VPS37A: variants seen among roughly 807,000 people sequenced by gnomAD.
The protein encoded by VPS37A is vacuolar protein sorting-associated protein 37A.
Under a neutral mutation model 49.8 loss-of-function variants are expected in VPS37A, and 30 were observed. The observed-to-expected ratio is 0.60, with a 90% confidence interval of 0.45 to 0.82. VPS37A has a LOEUF of 0.82. Among genes scored for constraint, VPS37A ranks in the 40% least tolerant of loss-of-function variants. VPS37A has a pLI of 0.00. For synonymous variants in VPS37A, 195 were observed against 160.6 expected (o/e 1.21, Z -1.62); for missense variants, 593 against 464.4 (o/e 1.28, Z -2.55).
At chr8:17,289,013 C>T (rs144520774) in intron 11 of VPS37A, among the ~76,000 whole-genome samples, 1 of 152,212 alleles carries the variant, frequency 6.6e-6, no homozygotes, top group Non-Finnish European at 1.5e-5. Context: ...GCATAAATGT[C>T]TTCTTATGAA....
chr8:17,316,122 A>G, the VPS37A span, among the ~76,000 whole-genome samples: 1 of 152,178 alleles, frequency 6.6e-6, no homozygotes, highest in Non-Finnish European at 1.5e-5. Context: ...CACTACTTAC[A>G]TACTAGCTAT....
intron 10 of VPS37A, 58 bp from the exon 11 acceptor site, chr8:17,286,289 A>C (rs1815577911): frequency 2.9e-6 from 4 of 1,385,056 alleles, no homozygotes; most frequent in East Asian, 4.8e-5. Flanking sequence ...TGTTGGAAGT[A>C]AAGTAGTAGG....
intron 9 of VPS37A, among the ~76,000 whole-genome samples, chr8:17,281,348 G>C (rs4922277): frequency 0.54 from 81,262 of 151,744 alleles, 24,784 homozygotes; most frequent in African/African-American, 0.82. Flanking sequence ...AGTTAGGAGT[G>C]TAACCTAAGC....
At chr8:17,287,276 C>G (rs1430342681) in intron 11 of VPS37A, among the ~76,000 whole-genome samples, 1 of 152,146 alleles carries the variant, frequency 6.6e-6, no homozygotes, top group East Asian at 1.9e-4. Context: ...AGTACAGTCA[C>G]CTGAGACTGA....
chr8:17,302,337 T>G (rs1440026903), downstream of VPS37A: 6 of 1,555,442 alleles, frequency 3.9e-6, no homozygotes, highest in African/African-American at 1.4e-5. Flanking sequence ...AAAATTCACA[T>G]CCTCAAGTCT....
the VPS37A span, among the ~76,000 whole-genome samples, chr8:17,329,951 A>G: frequency 6.6e-6 from 1 of 152,204 alleles, no homozygotes; most frequent in East Asian, 1.9e-4. Flanking sequence ...AGATGTAGGA[A>G]GGGATTTCTG....
chr8:17,249,991 G>A (rs1585904801), intron 1 of VPS37A, among the ~76,000 whole-genome samples: 1 of 152,186 alleles, frequency 6.6e-6, no homozygotes, highest in South Asian at 2.1e-4. Flanking sequence ...TGTTTGTTCA[G>A]ATTTTTCTTG....
the VPS37A span, chr8:17,313,446 T>G: frequency 8.2e-7 from 1 of 1,214,358 alleles, no homozygotes; most frequent in Non-Finnish European, 1.2e-6. Context: ...AGGTACTCTC[T>G]CATTTTACAT....
the VPS37A span, chr8:17,311,824 G>GCTTT: frequency 7.5e-6 from 6 of 803,976 alleles, no homozygotes; most frequent in Non-Finnish European, 1.2e-5. Flanking sequence ...GGCAGCTAAA[G>GCTTT]CTTTCCCTTC....
chr8:17,278,907 A>C (rs1230983326), intron 6 of VPS37A, among the ~76,000 whole-genome samples: 1 of 152,000 alleles, frequency 6.6e-6, no homozygotes, highest in Non-Finnish European at 1.5e-5. Context: ...ACGTTTTTAT[A>C]TGGCTCCATA....
At chr8:17,311,863 T>G in the VPS37A span, 1 of 583,934 alleles carries the variant, frequency 1.7e-6, no homozygotes, top group East Asian at 3.0e-5. Context: ...ACCACTCAAG[T>G]CACCTCCAAT....
In VPS37A at chr8:17,247,058, C is replaced by T; in HGVS notation, c.-187C>T. 1 of 727,264 alleles carries T rather than the reference C, an allele frequency of 1.4e-6. No homozygotes were observed. The highest frequency in any genetic ancestry group is 2.2e-6 in the Non-Finnish European group (1 of 453,440). The allele number at this position is 727,264 out of a possible 1,614,324, so 45.1% of individuals were successfully genotyped here. ...CAAGTTTCCCTCTCCAGCCGCCCGC[C>T]GTTCGTAGCATGTCCCCCAGAACTC... On this transcript the variant is annotated 5_prime_UTR_variant, in exon 1 of 12. Transcript: ENST00000324849.
chr8:17,269,077 A>C, intron 4 of VPS37A, 121 bp downstream of exon 4: 1 of 659,684 alleles, frequency 1.5e-6, no homozygotes, highest in Non-Finnish European at 2.5e-6. Flanking sequence ...CCCCACAAAT[A>C]CATCCATACT....
In VPS37A at chr8:17,284,470, C is replaced by G; in HGVS notation, c.970-3C>G. The G allele has an allele frequency of 6.4e-7, 1 of 1,554,906 alleles. No individual in the cohort carries two copies. The highest frequency in any genetic ancestry group is 8.6e-7 in the Non-Finnish European group (1 of 1,161,088). On this transcript the variant is annotated splice_polypyrimidine_tract_variant and splice_region_variant and intron_variant, in intron 9 of 11. Coordinates refer to ENST00000324849, the MANE Select transcript of VPS37A (RefSeq NM_152415.3). ...TAAAGTAGTGCCTGATTTTCTTTTT[C>G]AGAGCTGTAGTGCAAGTGCCCTTCA...
chr8:17,249,462 T>G (rs1811769667), intron 1 of VPS37A, among the ~76,000 whole-genome samples: 1 of 152,228 alleles, frequency 6.6e-6, no homozygotes, highest in African/African-American at 2.4e-5. Context: ...AGTATTTTAT[T>G]GTTTTAAGTT....
At chr8:17,250,115 G>C (rs558965575) in intron 1 of VPS37A, among the ~76,000 whole-genome samples, 1 of 152,164 alleles carries the variant, frequency 6.6e-6, no homozygotes, top group Non-Finnish European at 1.5e-5. Context: ...AGGGAAGAAG[G>C]GTTGTAGTTT....
At chr8:17,326,213 G>A in the VPS37A span, 1 of 152,126 alleles carries the variant, frequency 6.6e-6, no homozygotes, top group Admixed American at 6.6e-5. Flanking sequence ...CAGTAAGTAG[G>A]TAAAAATGGT....
intron 1 of VPS37A, among the ~76,000 whole-genome samples, chr8:17,248,571 G>A (rs1811660338): frequency 1.3e-5 from 2 of 152,060 alleles, no homozygotes; most frequent in Admixed American, 6.5e-5. Context: ...CCACCTCGCC[G>A]GGCTCCTAGC....
At chr8:17,262,906 C>G (rs372204770) in intron 1 of VPS37A, among the ~76,000 whole-genome samples, 1 of 151,686 alleles carries the variant, frequency 6.6e-6, no homozygotes, top group Non-Finnish European at 1.5e-5. Flanking sequence ...ACTAAAAATA[C>G]AAAAATTAGC....
Sources: allele counts gnomAD v4.1 joint callset (sites outside exome capture counted in the v4.1 genomes callset), GRCh38; gene constraint gnomAD v4.1.1; transcripts MANE v1.5; gene names NCBI Gene and HGNC (gene_info 2026-07-23, HGNC 2026-07-21).